Variants in MAGI1 observed in about 807,000 individuals in gnomAD.
MAGI1 encodes membrane-associated guanylate kinase, WW and PDZ domain-containing protein 1.
Under a neutral mutation model 139.9 loss-of-function variants are expected in MAGI1, and 58 were observed. The observed-to-expected ratio is 0.41, with a 90% CI of 0.34 to 0.52. MAGI1 has a LOEUF of 0.52. MAGI1 is among the 20% of genes least tolerant of loss of function. MAGI1 has a pLI of 0.12. For synonymous variants in MAGI1, 812 were observed against 737.9 expected, an observed-to-expected ratio of 1.10 and a Z score of -1.63; for missense variants, 1,874 against 1,901.6, an observed-to-expected ratio of 0.99 and a Z score of 0.27.
In MAGI1 at chr3:65,693,268, T is replaced by C. The variant is rs147350058; in HGVS notation, c.314-71180A>G. On this transcript the variant is annotated intron_variant, in intron 1 of 22. Coordinates refer to ENST00000402939, the MANE Select transcript of MAGI1 (RefSeq NM_001033057.2). ...CCACATAATAAATGTCTTTTCTTTA[T>C]AAATTACCCAGTCTCAGGGATTCAG... is the stretch of plus-strand genomic sequence containing the variant. 3.7e-3 allele frequency among the ~76,000 whole-genome samples: 571 copies of C among 152,274 alleles called. 10 individuals are homozygous for C. The highest frequency in any genetic ancestry group is 0.026 in the East Asian group (135 of 5,176).
chr3:65,367,338 C>T (rs557604230), intron 18 of MAGI1, among the ~76,000 whole-genome samples: 16 of 152,142 alleles, frequency 1.1e-4, no homozygotes, highest in Non-Finnish European at 2.2e-4. Context: ...GAGATAATCA[C>T]CCAATACACA....
At chr3:65,860,886 G>A (rs1456853246) in intron 1 of MAGI1, among the ~76,000 whole-genome samples, 2 of 151,982 alleles carry the variant, frequency 1.3e-5, no homozygotes, top group South Asian at 2.1e-4. Flanking sequence ...TACTTCTAGG[G>A]TAACATAGAG....
At chr3:65,756,450 G>A (rs2036575382) in intron 1 of MAGI1, among the ~76,000 whole-genome samples, 1 of 152,084 alleles carries the variant, frequency 6.6e-6, no homozygotes, top group Admixed American at 6.6e-5. Flanking sequence ...CATGAGCAAA[G>A]GTCATACTTC....
intron 2 of MAGI1, among the ~76,000 whole-genome samples, chr3:65,528,502 C>A (rs1317504766): frequency 1.3e-5 from 2 of 152,120 alleles, no homozygotes. Flanking sequence ...TGAACTTATA[C>A]CTCTCTTTAG....
chr3:65,415,895 T>C (rs1182487168), intron 12 of MAGI1, among the ~76,000 whole-genome samples: 1 of 152,148 alleles, frequency 6.6e-6, no homozygotes, highest in African/African-American at 2.4e-5. Context: ...GTTACCAAAG[T>C]CTACGTGAAA....
chr3:65,881,004 C>A (rs1186440663), intron 1 of MAGI1, among the ~76,000 whole-genome samples: 3 of 151,710 alleles, frequency 2.0e-5, no homozygotes, highest in Non-Finnish European at 4.4e-5. Flanking sequence ...GCCTCCCGGG[C>A]TCAAGCGATC....
At chr3:65,559,024 G>A (rs542983116) in intron 2 of MAGI1, among the ~76,000 whole-genome samples, 8 of 152,148 alleles carry the variant, frequency 5.3e-5, no homozygotes, top group African/African-American at 7.2e-5. Context: ...TAGTGCACAC[G>A]TCACAGCTCA....
At chr3:65,853,980 C>T (rs1480026554) in intron 1 of MAGI1, among the ~76,000 whole-genome samples, 8 of 151,992 alleles carry the variant, frequency 5.3e-5, no homozygotes, top group South Asian at 2.1e-4. Flanking sequence ...TTGTGGTGCA[C>T]ACCTGTAGCC....
intron 3 of MAGI1, among the ~76,000 whole-genome samples, chr3:65,483,534 T>C (rs1051671713): frequency 6.6e-6 from 1 of 152,194 alleles, no homozygotes; most frequent in Non-Finnish European, 1.5e-5. Flanking sequence ...TAAATAAAAA[T>C]CATCTGAAAA....
At chr3:65,441,981 C>T (rs1948369902) in intron 8 of MAGI1, among the ~76,000 whole-genome samples, 3 of 151,816 alleles carry the variant, frequency 2.0e-5, no homozygotes, top group East Asian at 1.9e-4. Flanking sequence ...GTGGCAGGTA[C>T]GATTATGTTT....
intron 1 of MAGI1, among the ~76,000 whole-genome samples, chr3:65,818,515 C>T (rs925240875): frequency 3.9e-5 from 6 of 152,142 alleles, no homozygotes; most frequent in African/African-American, 1.4e-4. Context: ...AACAGTGAAT[C>T]CACGTTAGCC....
chr3:65,632,405 T>C (rs2084365209), intron 1 of MAGI1, among the ~76,000 whole-genome samples: 2 of 152,208 alleles, frequency 1.3e-5, no homozygotes, highest in South Asian at 4.1e-4. Context: ...CTGCTTGTTC[T>C]AGTAAGAAAA....
At chr3:65,668,796 C>T (rs762006115) in intron 1 of MAGI1, among the ~76,000 whole-genome samples, 1 of 151,000 alleles carries the variant, frequency 6.6e-6, no homozygotes, top group African/African-American at 2.4e-5. Flanking sequence ...TTGTGATCCA[C>T]CTGCCTCGAC....
chr3:65,386,545 T>A (rs1334067041), intron 14 of MAGI1, among the ~76,000 whole-genome samples: 1 of 152,206 alleles, frequency 6.6e-6, no homozygotes, highest in Non-Finnish European at 1.5e-5. Flanking sequence ...ATTATAAAAT[T>A]TCTCTCTTCT....
intron 2 of MAGI1, among the ~76,000 whole-genome samples, chr3:65,596,428 A>G (rs2082201064): frequency 6.6e-6 from 1 of 152,234 alleles, no homozygotes; most frequent in South Asian, 2.1e-4. Flanking sequence ...TTTGGCTAGC[A>G]CACACTCATA....
intron 1 of MAGI1, among the ~76,000 whole-genome samples, chr3:65,993,185 G>C (rs947418323): frequency 6.6e-6 from 1 of 152,150 alleles, no homozygotes; most frequent in Non-Finnish European, 1.5e-5. Flanking sequence ...CCATTTAACT[G>C]AGAGCCATCA....
intron 14 of MAGI1, chr3:65,387,211 G>T: frequency 6.2e-7 from 1 of 1,613,804 alleles, no homozygotes; most frequent in Non-Finnish European, 8.5e-7. Context: ...TCCCGACGCA[G>T]GTGAAGGTGA....
At chr3:65,962,616 C>CT (rs2064496331) in intron 1 of MAGI1, among the ~76,000 whole-genome samples, 1 of 151,720 alleles carries the variant, frequency 6.6e-6, no homozygotes, top group Admixed American at 6.6e-5. Flanking sequence ...GGGAAGACTG[C>CT]TTGAGGTCAG....
chr3:65,994,991 C>T (rs2066364424), intron 1 of MAGI1, among the ~76,000 whole-genome samples: 1 of 152,074 alleles, frequency 6.6e-6, no homozygotes, highest in Non-Finnish European at 1.5e-5. Context: ...GGGAAAGAAA[C>T]AAAGGGTTAA....
Sources: allele counts gnomAD v4.1 joint callset (sites outside exome capture counted in the v4.1 genomes callset), GRCh38; gene constraint gnomAD v4.1.1; transcripts MANE v1.5; gene names NCBI Gene and HGNC (gene_info 2026-07-23, HGNC 2026-07-21).